The following PPP1R1C variants were observed in gnomAD, a reference collection of about 807,000 sequenced individuals.
PPP1R1C encodes the protein protein phosphatase 1 regulatory subunit 1C.
A neutral mutation model predicts 17.4 loss-of-function variants in PPP1R1C; 15 were observed. The ratio of observed to expected loss-of-function variants is 0.86; its 90% confidence interval spans 0.58 to 1.33. The LOEUF is 1.33. PPP1R1C is among the 40% of genes most tolerant of loss of function. PPP1R1C has a pLI of 0.00. For missense variants in PPP1R1C, 143 were observed against 130.0 expected (o/e 1.10, Z -0.48); for synonymous variants, 35 against 43.1 (o/e 0.81, Z 0.73).
At chr2:182,125,249 C>G (rs1689846709) in intron 5 of PPP1R1C, among the ~76,000 whole-genome samples, 4 of 152,076 alleles carry the variant, frequency 2.6e-5, no homozygotes, top group Admixed American at 6.6e-5. Flanking sequence ...GGGATGAAGC[C>G]AACTCAATCA....
At chr2:182,067,894 T>C (rs1211802139) in intron 4 of PPP1R1C, among the ~76,000 whole-genome samples, 1 of 152,106 alleles carries the variant, frequency 6.6e-6, no homozygotes, top group Non-Finnish European at 1.5e-5. Flanking sequence ...CATCAGTTAA[T>C]TGCCAATATA....
At chr2:182,119,561 G>A (rs2125239349), downstream of PPP1R1C, among the ~76,000 whole-genome samples, 1 of 152,282 alleles carries the variant, frequency 6.6e-6, no homozygotes. Flanking sequence ...ATCCTCTCCA[G>A]CACCTGTTGT....
intron 2 of PPP1R1C, among the ~76,000 whole-genome samples, chr2:182,029,094 G>T (rs1033397160): frequency 5.7e-5 from 8 of 139,926 alleles, no homozygotes; most frequent in Non-Finnish European, 7.8e-5. Context: ...TTTATTTTGA[G>T]CCTATGTGTG....
At chr2:182,129,846 C>T (rs1003146495) in exon 6 of PPP1R1C, 5 of 152,076 alleles carry the variant, frequency 3.3e-5, no homozygotes, top group African/African-American at 9.7e-5. Context: ...AAACTTCCTC[C>T]AATTCAGACA....
intron 4 of PPP1R1C, among the ~76,000 whole-genome samples, chr2:182,096,572 C>T (rs140793567): frequency 3.0e-4 from 46 of 152,234 alleles, no homozygotes; most frequent in African/African-American, 9.4e-4. Context: ...GCTTTAAATG[C>T]GCTCCTATTT....
chr2:182,113,117 G>A (rs1203484426), intron 4 of PPP1R1C, among the ~76,000 whole-genome samples: 3 of 152,288 alleles, frequency 2.0e-5, no homozygotes, highest in South Asian at 2.1e-4. Flanking sequence ...CTGCCTCAGA[G>A]ATGAAACTAT....
At chr2:181,987,524 C>T (rs1054301702) in intron 1 of PPP1R1C, among the ~76,000 whole-genome samples, 1 of 152,170 alleles carries the variant, frequency 6.6e-6, no homozygotes, top group Non-Finnish European at 1.5e-5. Flanking sequence ...AAGCAAGCCA[C>T]TAACATTATC....
intron 2 of PPP1R1C, among the ~76,000 whole-genome samples, chr2:182,009,773 T>G (rs1320444786): frequency 1.3e-5 from 2 of 152,198 alleles, no homozygotes; most frequent in African/African-American, 2.4e-5. Context: ...ATTTAAGTCT[T>G]TAATCTATTT....
chr2:182,026,525 T>A (rs933620633), intron 2 of PPP1R1C, among the ~76,000 whole-genome samples: 2 of 148,008 alleles, frequency 1.4e-5, no homozygotes, highest in Non-Finnish European at 3.0e-5. Context: ...GTTGTAGATA[T>A]GCGGCGTTAT....
intron 1 of PPP1R1C, among the ~76,000 whole-genome samples, chr2:181,971,332 C>G (rs1229913868): frequency 6.6e-6 from 1 of 152,140 alleles, no homozygotes; most frequent in African/African-American, 2.4e-5. Flanking sequence ...AGCGAGTTTC[C>G]TTTTCATCGA....
rs1327450328 is a variant in PPP1R1C at position 181,961,917 on chromosome 2, CCT to C, written n.111+7284_111+7285del. The C allele has an allele frequency of 1.3e-6, 1 of 746,710 alleles. No homozygotes were observed. Among genetic ancestry groups the C allele is most frequent in the Non-Finnish European group, 2.5e-6 (1 of 407,876 alleles). 46.3% of individuals were successfully genotyped at this position (746,710 alleles called of 1,614,324 possible). Reference sequence around the variant, plus strand: ...GCCAAGTGACATTGGTCATCAGTGACCTTGTGGAGCCCATGGATGTCACTCCC... The same window carrying C: ...GCCAAGTGACATTGGTCATCAGTGACTGTGGAGCCCATGGATGTCACTCCC... On this transcript the variant is annotated intron_variant and non_coding_transcript_variant, in intron 1 of 5. Coordinates refer to the PPP1R1C transcript ENST00000464264. This position sits in a 1 kb window ranked among gnomAD's most constrained non-coding sequence, Gnocchi z 5.8.
rs112738366 is a variant in PPP1R1C, at chr2:181,958,368, C to T, written n.111+3734C>T. 7.1e-4 allele frequency among the ~76,000 whole-genome samples: 108 copies of T among 152,302 alleles called. 1 individual carries two copies. The highest frequency in any genetic ancestry group is 2.6e-3 in the Admixed American group (40 of 15,300). On this transcript the variant is annotated intron_variant and non_coding_transcript_variant, in intron 1 of 5. Transcript: ENST00000464264. Reference sequence around the variant, plus strand: ...CCTGCTATAAGTATGGCCAAAAAGGCTGCAGTAAACCAAGGACAGTCCCCT... The same window carrying T: ...CCTGCTATAAGTATGGCCAAAAAGGTTGCAGTAAACCAAGGACAGTCCCCT...
upstream of PPP1R1C, among the ~76,000 whole-genome samples, chr2:181,981,251 G>A (rs1415223124): frequency 6.6e-6 from 1 of 152,224 alleles, no homozygotes; most frequent in African/African-American, 2.4e-5. Context: ...AAAGAACACA[G>A]TAGGCACTAA....
At chr2:182,109,071 A>G (rs902731268) in intron 4 of PPP1R1C, among the ~76,000 whole-genome samples, 6 of 152,154 alleles carry the variant, frequency 3.9e-5, no homozygotes, top group African/African-American at 1.4e-4. Context: ...GTAGTATCTC[A>G]TTGTTTTAAT....
chr2:181,968,187 G>A (rs903802272), intron 1 of PPP1R1C, among the ~76,000 whole-genome samples: 1 of 152,214 alleles, frequency 6.6e-6, no homozygotes, highest in Admixed American at 6.5e-5. Flanking sequence ...TGGATGAAAT[G>A]TTTTGTAAAT....
chr2:181,963,814 T>A (rs1051900601), intron 1 of PPP1R1C, among the ~76,000 whole-genome samples: 60 of 151,616 alleles, frequency 4.0e-4, no homozygotes, highest in African/African-American at 1.2e-3. Context: ...ATTTTAATTT[T>A]AAAAAAAATT....
intron 4 of PPP1R1C, among the ~76,000 whole-genome samples, chr2:182,081,969 A>C (rs1233067314): frequency 2.6e-5 from 4 of 152,180 alleles, no homozygotes; most frequent in Non-Finnish European, 4.4e-5. Flanking sequence ...TTCTGACTAC[A>C]TACCTCCCTA....
At chr2:182,100,571 A>G (rs1224085867) in intron 4 of PPP1R1C, among the ~76,000 whole-genome samples, 1 of 152,062 alleles carries the variant, frequency 6.6e-6, no homozygotes, top group Non-Finnish European at 1.5e-5. Context: ...ATCAAAAATC[A>G]AGTACAATTG....
intron 4 of PPP1R1C, among the ~76,000 whole-genome samples, chr2:182,089,114 C>T (rs1164561385): frequency 2.0e-5 from 3 of 152,184 alleles, no homozygotes; most frequent in Non-Finnish European, 4.4e-5. Flanking sequence ...CCTGTGATTA[C>T]AGTGGAAATC....
Sources: allele counts gnomAD v4.1 joint callset (sites outside exome capture counted in the v4.1 genomes callset), GRCh38; gene constraint gnomAD v4.1.1; non-coding constraint Gnocchi (gnomAD v3.1); transcripts MANE v1.5; gene names NCBI Gene and HGNC (gene_info 2026-07-23, HGNC 2026-07-21).